The following USP28 variants were observed in gnomAD, a reference collection of about 807,000 sequenced individuals.
USP28 encodes the protein ubiquitin carboxyl-terminal hydrolase 28.
Under a neutral mutation model 145.0 loss-of-function variants are expected in USP28, and 113 were observed. The ratio of observed to expected loss-of-function variants is 0.78; its 90% CI spans 0.67 to 0.91. The LOEUF (loss-of-function observed/expected upper bound fraction) is 0.91. Ranked by LOEUF, USP28 falls within the 40% of genes least tolerant of loss-of-function variation. USP28 has a pLI of 0.00. For synonymous variants in USP28, 447 were observed against 450.9 expected (o/e 0.99, Z 0.11); for missense variants, 1,201 against 1,289.6 (o/e 0.93, Z 1.05).
At chr11:113,835,136 C>T (rs537251396) in intron 5 of USP28, 42 of 385,272 alleles carry the variant, frequency 1.1e-4, no homozygotes, top group Non-Finnish European at 1.8e-4. Context: ...AAAAGTTTAA[C>T]AGCAGATGGT....
At chr11:113,801,908 T>C (rs1008317831) in intron 23 of USP28, among the ~76,000 whole-genome samples, 15 of 152,200 alleles carry the variant, frequency 9.9e-5, no homozygotes, top group African/African-American at 3.6e-4. Context: ...TCTAATGCTG[T>C]AAAGTTTATG....
At chr11:113,824,186 A>T (rs1008768068) in intron 11 of USP28, among the ~76,000 whole-genome samples, 3 of 152,230 alleles carry the variant, frequency 2.0e-5, no homozygotes, top group Admixed American at 2.0e-4. Context: ...TTAGAGATAA[A>T]TTTAATCAAA....
At chr11:113,861,277 A>C (rs2136826678) in intron 1 of USP28, among the ~76,000 whole-genome samples, 1 of 152,304 alleles carries the variant, frequency 6.6e-6, no homozygotes, top group African/African-American at 2.4e-5. Flanking sequence ...TATTCATGGA[A>C]TAGAAACCTA....
chr11:113,804,011 T>A, intron 21 of USP28, 134 bp from the exon 23 acceptor site: 1 of 720,098 alleles, frequency 1.4e-6, no homozygotes, highest in Non-Finnish European at 2.2e-6. Context: ...AACAAAAGCT[T>A]TCAGATAAAA....
chr11:113,864,981 T>G (rs907624783), intron 1 of USP28, among the ~76,000 whole-genome samples: 1 of 152,048 alleles, frequency 6.6e-6, no homozygotes, highest in African/African-American at 2.4e-5. Flanking sequence ...GGAACACAGA[T>G]GTGTGCCATC....
chr11:113,804,384 A>G (rs1225774198), intron 21 of USP28, among the ~76,000 whole-genome samples: 6 of 152,234 alleles, frequency 3.9e-5, no homozygotes, highest in Admixed American at 2.6e-4. Context: ...TTTATCATTT[A>G]AAACAAACCA....
At chr11:113,800,109 C>G (rs975871847) in intron 24 of USP28, among the ~76,000 whole-genome samples, 1 of 151,750 alleles carries the variant, frequency 6.6e-6, no homozygotes, top group Non-Finnish European at 1.5e-5. Context: ...GGGTTCACGC[C>G]ATTCTCCTGC....
chr11:113,812,212 C>G, intron 16 of USP28, 64 bp downstream of exon 16: 1 of 1,276,866 alleles, frequency 7.8e-7, no homozygotes, highest in Non-Finnish European at 1.1e-6. Context: ...CAGTACAAGA[C>G]TGTTCTTCTC....
intron 3 of USP28, among the ~76,000 whole-genome samples, chr11:113,844,269 T>A (rs964578946): frequency 2.0e-5 from 3 of 151,438 alleles, no homozygotes; most frequent in African/African-American, 7.3e-5. Context: ...TAAAACCCCA[T>A]CTCTAATAAA....
intron 8 of USP28, 38 bp from the exon 9 acceptor site, chr11:113,830,981 G>A: frequency 1.2e-6 from 2 of 1,606,806 alleles, no homozygotes; most frequent in South Asian, 1.1e-5. Flanking sequence ...GGATTGTTTG[G>A]ATTAAGATAT....
chr11:113,835,184 T>C (rs1169355780), intron 5 of USP28: 1 of 426,244 alleles, frequency 2.3e-6, no homozygotes, highest in Non-Finnish European at 4.6e-6. Context: ...TATTTGCAAA[T>C]CACATTTTTC....
At chr11:113,809,152 A>G (rs1940544123) in exon 17 of USP28, 1 of 1,614,112 alleles carries the variant, frequency 6.2e-7, no homozygotes, top group Non-Finnish European at 8.5e-7. Context: ...CCACTCCTCT[A>G]CTTCCTGCTC....
chr11:113,822,499 AG>A (rs1287402513), intron 12 of USP28: 54 of 119,646 alleles, frequency 4.5e-4, no homozygotes, highest in African/African-American at 1.6e-3. Context: ...AGAGAGAGAG[AG>A]ATGGGGTCTC....
rs1049517366 is a variant in USP28 at position 113,848,196 on chromosome 11, T to C, written c.268+4305A>G. Among the ~76,000 whole-genome samples, 4 of 152,344 alleles carry C rather than the reference T, an allele frequency of 2.6e-5. No homozygotes were observed. The East Asian group carries it at 5.8e-4, about 22-fold the overall frequency. On this transcript the variant is annotated intron_variant, in intron 3 of 24. Transcript: ENST00000003302. The stretch of plus-strand genomic sequence containing the variant: ...ATTACAGTCTTTCAATTAAACATAC[T>C]GATTAAACATTTTAATACAGCACTA...
At chr11:113,854,317 T>TAAA in exon 2 of USP28, 2 of 1,614,112 alleles carry the variant, frequency 1.2e-6, no homozygotes, top group Non-Finnish European at 1.7e-6. Context: ...CTCAGTTGAT[T>TAAA]TAACAGCATT....
At chr11:113,844,017 G>C (rs1565448784) in intron 3 of USP28, among the ~76,000 whole-genome samples, 1 of 152,140 alleles carries the variant, frequency 6.6e-6, no homozygotes, top group African/African-American at 2.4e-5. Context: ...TATAAAAGTA[G>C]AGGATGACAC....
chr11:113,854,271 T>A (rs776349625), exon 2 of USP28: 1 of 1,614,008 alleles, frequency 6.2e-7, no homozygotes, highest in Admixed American at 1.7e-5. Flanking sequence ...CAGAGCTTCA[T>A]GGAGAAAGGA....
intron 3 of USP28, among the ~76,000 whole-genome samples, chr11:113,847,522 C>T (rs532156128): frequency 1.9e-4 from 29 of 152,170 alleles, no homozygotes; most frequent in Non-Finnish European, 1.9e-4. Context: ...ACTTAATGTT[C>T]TAATTTATTT....
At position 113,818,830 on chromosome 11, in the gene USP28, C is replaced by T. The variant is rs538281723; in HGVS notation, c.1284-993G>A. Among the ~76,000 whole-genome samples the T allele has an allele frequency of 5.4e-4, 82 of 151,218 alleles. 1 individual carries two copies. Among genetic ancestry groups the T allele is most frequent in the African/African-American group, 1.9e-3 (79 of 41,232 alleles). On this transcript the variant is annotated intron_variant, in intron 12 of 24. Coordinates refer to ENST00000003302, the Ensembl canonical transcript of USP28. ...GAGCCAAGATCATGCCACTGTGCTC[C>T]AGCCTGAGTGACAGAGTGAGACTCT... is the stretch of plus-strand genomic sequence containing the variant.
Sources: allele counts gnomAD v4.1 joint callset (sites outside exome capture counted in the v4.1 genomes callset), GRCh38; gene constraint gnomAD v4.1.1; transcripts MANE v1.5; gene names NCBI Gene and HGNC (gene_info 2026-07-23, HGNC 2026-07-21).